KLF12: variants seen among roughly 807,000 people sequenced by gnomAD.
KLF12 encodes the protein Krueppel-like factor 12.
KLF12 carries 9 observed loss-of-function variants against 37.8 expected under a neutral mutation model. That is an observed-to-expected ratio of 0.24 (90% CI 0.14 to 0.42). The LOEUF is 0.42. Among genes scored for constraint, KLF12 ranks in the 10% least tolerant of loss-of-function variants. KLF12 has a pLI of 1.00. For synonymous variants in KLF12, 208 were observed against 202.1 expected (o/e 1.03, Z -0.25); for missense variants, 411 against 516.0 (o/e 0.80, Z 1.97).
At chr13:73,832,477 C>A (rs572890903) in intron 4 of KLF12, among the ~76,000 whole-genome samples, 1 of 152,086 alleles carries the variant, frequency 6.6e-6, no homozygotes, top group South Asian at 2.1e-4. Flanking sequence ...AAGGCCACAC[C>A]GGAGATGATT....
chr13:74,178,138 T>G, the KLF12 span, among the ~76,000 whole-genome samples: 15 of 152,350 alleles, frequency 9.8e-5, no homozygotes, highest in Non-Finnish European at 2.1e-4. Context: ...TTTTGCCTTA[T>G]GGTCATCAGC....
chr13:73,739,640 T>C (rs1350796443), intron 6 of KLF12, among the ~76,000 whole-genome samples: 3 of 146,324 alleles, frequency 2.1e-5, no homozygotes, highest in Non-Finnish European at 4.4e-5. Flanking sequence ...ACTGCTGTTA[T>C]CTGACATTCT....
intron 1 of KLF12, among the ~76,000 whole-genome samples, chr13:73,999,715 G>GGGCA (rs1892222305): frequency 6.6e-6 from 1 of 152,108 alleles, no homozygotes; most frequent in African/African-American, 2.4e-5. Context: ...ACTCCAGCCT[G>GGGCA]GGCAACAGAG....
intron 1 of KLF12, among the ~76,000 whole-genome samples, chr13:74,115,684 G>A (rs1294444443): frequency 2.8e-5 from 4 of 140,686 alleles, no homozygotes; most frequent in Admixed American, 7.4e-5. Flanking sequence ...CAGCCTGGGC[G>A]ACAGAGTAAA....
intron 6 of KLF12, among the ~76,000 whole-genome samples, chr13:73,754,928 C>CACA (rs1367623271): frequency 0.013 from 1,998 of 152,330 alleles, 22 homozygotes; most frequent in South Asian, 0.039. Flanking sequence ...CTGTTCTTCA[C>CACA]ATGGTTGCCT....
intron 6 of KLF12, among the ~76,000 whole-genome samples, chr13:73,751,352 C>T (rs1566341717): frequency 6.6e-6 from 1 of 152,166 alleles, no homozygotes; most frequent in African/African-American, 2.4e-5. Context: ...AATTTACATT[C>T]CCACCAACAG....
intron 1 of KLF12, among the ~76,000 whole-genome samples, chr13:74,130,920 ATAT>A (rs1878227193): frequency 1.3e-5 from 2 of 152,216 alleles, no homozygotes; most frequent in African/African-American, 2.4e-5. Flanking sequence ...GATCATTGTA[ATAT>A]TATTAATTTG....
intron 1 of KLF12, among the ~76,000 whole-genome samples, chr13:74,110,232 C>G (rs1312240666): frequency 6.6e-6 from 1 of 152,180 alleles, no homozygotes; most frequent in Non-Finnish European, 1.5e-5. Flanking sequence ...TCGCCCAGAG[C>G]TCAAGTTGCT....
At chr13:73,865,906 A>G (rs1018310758) in intron 3 of KLF12, among the ~76,000 whole-genome samples, 2 of 152,208 alleles carry the variant, frequency 1.3e-5, no homozygotes, top group Non-Finnish European at 2.9e-5. Context: ...TGAACTGAAA[A>G]ATGAATGAGC....
Position 73,690,705 on chromosome 13 carries a change from T to C in KLF12, c.*4785A>G, listed in dbSNP as rs1255118023. Reference sequence around the variant, plus strand: ...GTGTGTAAGATATACAAGGCATATCTGAACAAGTTTTTTCTTTTTATTGTG... The same window carrying C: ...GTGTGTAAGATATACAAGGCATATCCGAACAAGTTTTTTCTTTTTATTGTG... On this transcript the variant is annotated 3_prime_UTR_variant, in exon 8 of 8. Transcript: ENST00000377669. 2 of 152,454 alleles carry C rather than the reference T, an allele frequency of 1.3e-5. No homozygotes were observed. Among genetic ancestry groups the C allele is most frequent in the African/African-American group, 4.8e-5 (2 of 41,458 alleles). The allele number at this position is 152,454 out of a possible 1,614,324, so 9.4% of individuals were successfully genotyped here.
chr13:74,174,405 CT>C, the KLF12 span, among the ~76,000 whole-genome samples: 1 of 145,602 alleles, frequency 6.9e-6, no homozygotes, highest in Non-Finnish European at 1.5e-5. Context: ...CGAACTCGGG[CT>C]AATTTTTGTA....
At chr13:73,734,959 G>A (rs1351753302) in intron 6 of KLF12, among the ~76,000 whole-genome samples, 1 of 151,860 alleles carries the variant, frequency 6.6e-6, no homozygotes, top group Non-Finnish European at 1.5e-5. Context: ...ACAGTTTGGA[G>A]GCCACAGAGA....
chr13:74,019,066 T>C (rs1313761058), intron 1 of KLF12, among the ~76,000 whole-genome samples: 1 of 152,218 alleles, frequency 6.6e-6, no homozygotes, highest in East Asian at 1.9e-4. Flanking sequence ...TATAATAACA[T>C]ATTAGAGGTC....
chr13:73,746,252 T>C (rs1387990356), intron 6 of KLF12, among the ~76,000 whole-genome samples: 12 of 152,114 alleles, frequency 7.9e-5, no homozygotes, highest in Non-Finnish European at 1.6e-4. Context: ...ACAAATGAAA[T>C]GAAACAAATA....
chr13:74,138,668 C>G (rs1878625110), upstream of KLF12, among the ~76,000 whole-genome samples: 1 of 152,044 alleles, frequency 6.6e-6, no homozygotes, highest in African/African-American at 2.4e-5. Flanking sequence ...TCTTTTCCAC[C>G]TTCCTCCAGT....
chr13:73,910,583 G>C (rs920307609), intron 3 of KLF12, among the ~76,000 whole-genome samples: 1 of 152,114 alleles, frequency 6.6e-6, no homozygotes, highest in African/African-American at 2.4e-5. Context: ...AGAGGGGTAG[G>C]AGAGAGAGAA....
intron 1 of KLF12, among the ~76,000 whole-genome samples, chr13:74,079,116 A>G (rs1454035067): frequency 1.3e-5 from 2 of 152,284 alleles, no homozygotes; most frequent in Non-Finnish European, 2.9e-5. Flanking sequence ...GGTATTTTCA[A>G]ACTTCTTTAA....
At chr13:73,992,262 AC>A (rs1891988489) in intron 2 of KLF12, among the ~76,000 whole-genome samples, 1 of 152,238 alleles carries the variant, frequency 6.6e-6, no homozygotes, top group Non-Finnish European at 1.5e-5. Flanking sequence ...CTGCTGAAAT[AC>A]GCTGAAGTGT....
At chr13:74,241,171 C>G in the KLF12 span, among the ~76,000 whole-genome samples, 1 of 151,748 alleles carries the variant, frequency 6.6e-6, no homozygotes, top group Non-Finnish European at 1.5e-5. Flanking sequence ...CAGACAGGAC[C>G]CTCAGCTGCA....
Sources: gnomAD v4.1 joint callset for allele counts (sites outside exome capture counted in the v4.1 genomes callset) on GRCh38, gnomAD v4.1.1 for gene constraint, MANE v1.5 for transcripts, NCBI Gene and HGNC (gene_info 2026-07-23, HGNC 2026-07-21) for gene names.